Variants in EYA2 observed in about 807,000 individuals in gnomAD.
EYA2 encodes EYA transcriptional coactivator and phosphatase 2.
EYA2 carries 31 observed loss-of-function variants against 69.2 expected under a neutral mutation model. That is an observed-to-expected ratio of 0.45 (90% confidence interval 0.34 to 0.60). The LOEUF (loss-of-function observed/expected upper bound fraction) is 0.60. Among genes scored for constraint, EYA2 ranks in the 20% least tolerant of loss-of-function variants. The probability of loss-of-function intolerance (pLI) is 0.02; values close to 1 mark genes in which losing one functional copy is unlikely to be tolerated. For synonymous variants in EYA2, 257 were observed against 279.4 expected (o/e 0.92, Z 0.80); for missense variants, 622 against 701.2 (o/e 0.89, Z 1.28).
chr20:47,110,127 T>C (rs78600832), intron 9 of EYA2, among the ~76,000 whole-genome samples: 1 of 152,160 alleles, frequency 6.6e-6, no homozygotes, highest in African/African-American at 2.4e-5. Context: ...GCCCAGCTGC[T>C]CCCTTTATAC....
intron 9 of EYA2, among the ~76,000 whole-genome samples, chr20:47,130,775 A>C (rs886267675): frequency 3.3e-5 from 5 of 152,156 alleles, no homozygotes; most frequent in Admixed American, 3.3e-4. Context: ...GGATACAAAC[A>C]AGTATATTCA....
chr20:47,085,100 G>A (rs2031852841), intron 7 of EYA2, among the ~76,000 whole-genome samples: 1 of 151,654 alleles, frequency 6.6e-6, no homozygotes, highest in Non-Finnish European at 1.5e-5. Flanking sequence ...ACCTCCCAAA[G>A]TGCTAGGATT....
chr20:46,996,844 A>G (rs984883163), intron 2 of EYA2, among the ~76,000 whole-genome samples: 2 of 151,990 alleles, frequency 1.3e-5, no homozygotes, highest in Non-Finnish European at 2.9e-5. Context: ...CACATTTTCC[A>G]TGGCTGGAGC....
At chr20:47,005,107 C>T in intron 4 of EYA2, 23 bp downstream of exon 4, 1 of 1,609,556 alleles carries the variant, frequency 6.2e-7, no homozygotes, top group Non-Finnish European at 8.5e-7. Flanking sequence ...CAAGTCCTTA[C>T]TCTCCTCCTC....
In EYA2 at chr20:47,183,394, A is replaced by C. The variant is rs1439005851; in HGVS notation, c.1536+3A>C. On this transcript the variant is annotated splice_donor_region_variant and intron_variant, in intron 15 of 15. Coordinates refer to ENST00000327619, the MANE Select transcript of EYA2 (RefSeq NM_005244.5). Reference sequence around the variant, plus strand: ...AAGAGGAGCAAGGAGCGAAAAAGGTACTTCTTCCACCTCTCAGACTGCGTT... The same window carrying C: ...AAGAGGAGCAAGGAGCGAAAAAGGTCCTTCTTCCACCTCTCAGACTGCGTT... 1 of 1,613,532 alleles carries C rather than the reference A, an allele frequency of 6.2e-7. No individual in the cohort carries two copies. The highest frequency in any genetic ancestry group is 1.1e-5 in the South Asian group (1 of 91,026).
chr20:47,110,363 TCTTGTGTAGCTGGGACCAC>T (rs1409649205), intron 9 of EYA2, among the ~76,000 whole-genome samples: 1 of 152,178 alleles, frequency 6.6e-6, no homozygotes, highest in Non-Finnish European at 1.5e-5. Context: ...CAGCTCAGCC[TCTTGTGTAGCTGGGACCAC>T]AGACATGCAC....
At chr20:47,026,615 T>C (rs1196173848) in intron 5 of EYA2, among the ~76,000 whole-genome samples, 1 of 152,238 alleles carries the variant, frequency 6.6e-6, no homozygotes, top group African/African-American at 2.4e-5. Context: ...AGTCTATGGA[T>C]TGAACCTGCT....
At chr20:47,143,013 C>T (rs757385820) in intron 9 of EYA2, 46 bp from the exon 10 acceptor site, 14 of 1,568,430 alleles carry the variant, frequency 8.9e-6, no homozygotes, top group African/African-American at 1.4e-5. Context: ...AGCTAAGATT[C>T]CTCAGGCTCC....
intron 5 of EYA2, among the ~76,000 whole-genome samples, chr20:47,045,249 A>G (rs1255752750): frequency 6.6e-6 from 1 of 152,196 alleles, no homozygotes; most frequent in Non-Finnish European, 1.5e-5. Flanking sequence ...TGGTGCTACT[A>G]TAGGCTGGGG....
rs186686522 is a variant in EYA2, at chr20:47,071,770, C to T, written c.416-415C>T. The T allele has an allele frequency of 2.1e-3, 375 of 177,464 alleles. 1 individual carries two copies. The highest frequency in any genetic ancestry group is 5.5e-3 in the Middle Eastern group (2 of 364). 11.0% of individuals were successfully genotyped at this position (177,464 alleles called of 1,614,324 possible). On this transcript the variant is annotated intron_variant, in intron 5 of 15. Coordinates refer to ENST00000327619, the MANE Select transcript of EYA2 (RefSeq NM_005244.5). ...ACAGGTTCCATCCCAGCCTGTCAGACCTCAAAGACCCCACCTGGCCATGGT... is the reference window on the plus strand; with the variant it reads ...ACAGGTTCCATCCCAGCCTGTCAGATCTCAAAGACCCCACCTGGCCATGGT...
chr20:46,896,891 C>T (rs889062977), intron 1 of EYA2, among the ~76,000 whole-genome samples: 6 of 152,154 alleles, frequency 3.9e-5, no homozygotes, highest in Non-Finnish European at 8.8e-5. Context: ...AATAGCTCAC[C>T]TGGTGTTGTG....
rs559614385 is a variant in EYA2, at chr20:47,001,355, T to C, written c.110-73T>C. 39 of 1,322,856 alleles carry C rather than the reference T, an allele frequency of 2.9e-5. No homozygotes were observed. The African/African-American group carries it at 5.5e-4, about 19-fold the overall frequency. 81.9% of individuals were successfully genotyped at this position (1,322,856 alleles called of 1,614,324 possible). The stretch of plus-strand genomic sequence containing the variant: ...CAAGTCTGCTCCTGCTTAAGTGGTG[T>C]CTGAAGTCACCACCTCTGCAGAACA... On this transcript the variant is annotated intron_variant, in intron 2 of 15. Transcript: ENST00000327619.
intron 7 of EYA2, among the ~76,000 whole-genome samples, chr20:47,083,312 C>T (rs1180563950): frequency 2.0e-5 from 3 of 152,188 alleles, no homozygotes; most frequent in African/African-American, 7.2e-5. Context: ...CACAGTGGCT[C>T]ACGCCTGTAA....
intron 10 of EYA2, among the ~76,000 whole-genome samples, chr20:47,143,809 G>T (rs984057836): frequency 1.3e-5 from 2 of 152,290 alleles, no homozygotes; most frequent in South Asian, 2.1e-4. Flanking sequence ...CGGAAGCAAA[G>T]CTATGTCATG....
At chr20:47,134,670 G>A (rs1328888144) in intron 9 of EYA2, among the ~76,000 whole-genome samples, 1 of 151,980 alleles carries the variant, frequency 6.6e-6, no homozygotes, top group Admixed American at 6.6e-5. Context: ...GTCTATTGTA[G>A]GAATTAACAA....
chr20:46,906,594 C>T (rs952142148), intron 1 of EYA2, among the ~76,000 whole-genome samples: 2 of 152,122 alleles, frequency 1.3e-5, no homozygotes, highest in Admixed American at 6.5e-5. Context: ...GGATATGTTC[C>T]GAAAGATTAT....
Position 46,989,989 on chromosome 20 carries a change from G to A in EYA2, c.-10-12G>A, listed in dbSNP as rs1981546597. ...TAATGAATAAATTATATTTCCCTTT[G>A]TTTTCTTTCAGGTACAAGGAAATGG... is the stretch of plus-strand genomic sequence containing the variant. On this transcript the variant is annotated splice_polypyrimidine_tract_variant and intron_variant, in intron 1 of 15. Transcript: ENST00000327619. The A allele has an allele frequency of 7.7e-7, 1 of 1,300,786 alleles. No homozygotes were observed. Among genetic ancestry groups the A allele is most frequent in the Non-Finnish European group, 1.1e-6 (1 of 895,354 alleles). 80.6% of individuals were successfully genotyped at this position (1,300,786 alleles called of 1,614,324 possible). A position where few individuals can be genotyped will look rare whatever the true frequency, so the allele number is the denominator to read the frequency against.
intron 4 of EYA2, among the ~76,000 whole-genome samples, chr20:47,005,950 C>A (rs979704768): frequency 6.6e-6 from 1 of 152,194 alleles, no homozygotes; most frequent in Non-Finnish European, 1.5e-5. Flanking sequence ...CTGGAGGAAA[C>A]AGGGGAATTT....
At position 47,172,960 on chromosome 20, in the gene EYA2, G is replaced by A; in HGVS notation, c.1198+93G>A. 7 of 1,441,156 alleles carry A rather than the reference G, an allele frequency of 4.9e-6. No homozygotes were observed. In the South Asian group the frequency reaches 8.1e-5, roughly 17 times the overall value. The allele number at this position is 1,441,156 out of a possible 1,614,324, so 89.3% of individuals were successfully genotyped here. A position where few individuals can be genotyped will look rare whatever the true frequency, so the allele number is the denominator to read the frequency against. ...TGCTGTGCCAGGCGCCAGGCAGAGA[G>A]GTTCACAAGTTCAGTACCAGCCCAC... On this transcript the variant is annotated intron_variant, in intron 12 of 15. Transcript: ENST00000327619.
Sources: allele counts gnomAD v4.1 joint callset (sites outside exome capture counted in the v4.1 genomes callset), GRCh38; gene constraint gnomAD v4.1.1; transcripts MANE v1.5; gene names NCBI Gene and HGNC (gene_info 2026-07-23, HGNC 2026-07-21).